FRMD4A: variants seen among roughly 807,000 people sequenced by gnomAD.
The protein encoded by FRMD4A is FERM domain containing 4A.
FRMD4A carries 29 observed loss-of-function variants against 129.1 expected under a neutral mutation model. The ratio of observed to expected loss-of-function variants is 0.22; its 90% CI spans 0.17 to 0.31. The LOEUF (loss-of-function observed/expected upper bound fraction) is 0.31. Among genes scored for constraint, FRMD4A ranks in the 10% least tolerant of loss-of-function variants. The pLI is 1.00. For missense variants in FRMD4A, 1,272 were observed against 1,375.8 expected (o/e 0.92, Z 1.19); for synonymous variants, 634 against 571.6 (o/e 1.11, Z -1.56).
intron 12 of FRMD4A, among the ~76,000 whole-genome samples, chr10:13,717,784 T>C (rs2088987275): frequency 6.7e-6 from 1 of 148,260 alleles, no homozygotes. Flanking sequence ...AGACGTGGCA[T>C]CATAGAGACA....
chr10:14,262,376 C>G (rs140458962), intron 2 of FRMD4A, among the ~76,000 whole-genome samples: 62 of 152,288 alleles, frequency 4.1e-4, no homozygotes, highest in African/African-American at 1.4e-3. Context: ...GGTTATTGTG[C>G]ATGTTAAAAT....
intron 2 of FRMD4A, among the ~76,000 whole-genome samples, chr10:14,170,630 C>T (rs1229478336): frequency 2.0e-5 from 3 of 152,128 alleles, no homozygotes; most frequent in South Asian, 2.1e-4. Context: ...AATTAGCACA[C>T]GAAATAGTTA....
At chr10:14,166,530 A>G (rs1156709031) in intron 2 of FRMD4A, among the ~76,000 whole-genome samples, 1 of 152,260 alleles carries the variant, frequency 6.6e-6, no homozygotes, top group African/African-American at 2.4e-5. Flanking sequence ...TCACTGAAAC[A>G]TTTTGGAATC....
At chr10:13,854,165 T>G (rs2094181421) in intron 3 of FRMD4A, among the ~76,000 whole-genome samples, 1 of 152,170 alleles carries the variant, frequency 6.6e-6, no homozygotes, top group Non-Finnish European at 1.5e-5. Context: ...TGTCCGGAAA[T>G]TCTTACTTAA....
chr10:14,006,289 A>G (rs1307737072), intron 2 of FRMD4A, among the ~76,000 whole-genome samples: 5 of 152,170 alleles, frequency 3.3e-5, no homozygotes, highest in African/African-American at 1.2e-4. Context: ...CATTCAGACC[A>G]TACTCATGTT....
chr10:13,951,126 A>G (rs1300708197), intron 2 of FRMD4A, among the ~76,000 whole-genome samples: 1 of 152,174 alleles, frequency 6.6e-6, no homozygotes, highest in African/African-American at 2.4e-5. Context: ...GGGTGCTTCC[A>G]CAGAAGGAGC....
At chr10:14,206,146 G>A (rs544013628) in intron 2 of FRMD4A, among the ~76,000 whole-genome samples, 45 of 152,220 alleles carry the variant, frequency 3.0e-4, no homozygotes, top group Middle Eastern at 3.4e-3. Flanking sequence ...TTGGTCGTTA[G>A]GTTATTTTCA....
intron 2 of FRMD4A, among the ~76,000 whole-genome samples, chr10:14,013,712 C>A (rs2095689313): frequency 6.6e-6 from 1 of 151,904 alleles, no homozygotes; most frequent in South Asian, 2.1e-4. Flanking sequence ...CAGGTGGATC[C>A]CCTGAGGTCG....
At chr10:14,041,592 G>A (rs1452542012) in intron 2 of FRMD4A, among the ~76,000 whole-genome samples, 1 of 152,162 alleles carries the variant, frequency 6.6e-6, no homozygotes, top group Non-Finnish European at 1.5e-5. Context: ...AGCCCCAAAA[G>A]GCGTGACCAG....
At chr10:13,839,769 T>C (rs1330488592) in intron 3 of FRMD4A, among the ~76,000 whole-genome samples, 1 of 152,128 alleles carries the variant, frequency 6.6e-6, no homozygotes, top group Non-Finnish European at 1.5e-5. Flanking sequence ...GTGCTTGAGA[T>C]TGGGAGGAGT....
chr10:13,932,026 G>A (rs1374730619), intron 2 of FRMD4A, among the ~76,000 whole-genome samples: 1 of 152,078 alleles, frequency 6.6e-6, no homozygotes, highest in Non-Finnish European at 1.5e-5. Context: ...GAAACATAAA[G>A]ATGAAGAATT....
chr10:13,734,837 T>TATTTA (rs2090534740), intron 12 of FRMD4A, among the ~76,000 whole-genome samples: 1 of 141,956 alleles, frequency 7.0e-6, no homozygotes, highest in African/African-American at 2.6e-5. Flanking sequence ...TCTTCTTCTT[T>TATTTA]TTCTATTTAT....
At chr10:14,056,618 C>G (rs1252183742) in intron 2 of FRMD4A, among the ~76,000 whole-genome samples, 1 of 152,186 alleles carries the variant, frequency 6.6e-6, no homozygotes, top group Non-Finnish European at 1.5e-5. Context: ...GTCGCATCCT[C>G]TGTCCCAGCT....
chr10:14,107,479 T>A (rs964044537), intron 2 of FRMD4A, among the ~76,000 whole-genome samples: 2 of 152,216 alleles, frequency 1.3e-5, no homozygotes, highest in Non-Finnish European at 2.9e-5. Context: ...TAAAGTTAAC[T>A]TTTTAATATT....
intron 12 of FRMD4A, among the ~76,000 whole-genome samples, chr10:13,718,975 G>GTGAA (rs2089150419): frequency 1.3e-5 from 2 of 151,940 alleles, no homozygotes; most frequent in South Asian, 4.2e-4. Context: ...TGTTGAGTGA[G>GTGAA]TGAATGAATG....
chr10:13,820,723 C>T (rs1564856838), intron 3 of FRMD4A, among the ~76,000 whole-genome samples: 1 of 152,184 alleles, frequency 6.6e-6, no homozygotes, highest in African/African-American at 2.4e-5. Flanking sequence ...TGCTAAGCTG[C>T]CAGGGTTTGG....
intron 2 of FRMD4A, among the ~76,000 whole-genome samples, chr10:14,096,428 T>C (rs1301880197): frequency 2.0e-5 from 3 of 152,206 alleles, no homozygotes; most frequent in Non-Finnish European, 4.4e-5. Flanking sequence ...TTGACTTCTT[T>C]CCCTGGCAAC....
At chr10:13,707,319 T>A in intron 12 of FRMD4A, 1 of 1,111,812 alleles carries the variant, frequency 9.0e-7, no homozygotes, top group South Asian at 3.1e-5. Flanking sequence ...GCAATGTGGG[T>A]GTGGATTTTC....
At chr10:14,085,202 T>C (rs2767289) in intron 2 of FRMD4A, among the ~76,000 whole-genome samples, 91,905 of 152,006 alleles carry the variant, frequency 0.6, 28,816 homozygotes, top group East Asian at 0.84. Context: ...CGCATGGTTA[T>C]GTCTAGGGAT....
Sources: gnomAD v4.1 joint callset for allele counts (sites outside exome capture counted in the v4.1 genomes callset) on GRCh38, gnomAD v4.1.1 for gene constraint, MANE v1.5 for transcripts, NCBI Gene and HGNC (gene_info 2026-07-23, HGNC 2026-07-21) for gene names.